Variants in SPOCK2 observed in about 807,000 individuals in gnomAD.
SPOCK2 encodes the protein testican-2.
Under a neutral mutation model 60.1 loss-of-function variants are expected in SPOCK2, and 39 were observed. The ratio of observed to expected loss-of-function variants is 0.65; its 90% confidence interval spans 0.50 to 0.85. SPOCK2 has a LOEUF of 0.85. Ranked by LOEUF, SPOCK2 falls within the 40% of genes least tolerant of loss-of-function variation. SPOCK2 has a pLI of 0.00. For synonymous variants in SPOCK2, 217 were observed against 231.5 expected, an observed-to-expected ratio of 0.94 and a Z score of 0.57; for missense variants, 523 against 567.4, an observed-to-expected ratio of 0.92 and a Z score of 0.80.
chr10:72,063,161 G>T lies in SPOCK2; in HGVS notation c.993C>A (p.Gly331=), dbSNP rs368698529. 12 of 1,556,294 alleles carry T rather than the reference G, an allele frequency of 7.7e-6. No homozygotes were observed. In the African/African-American group the frequency reaches 1.6e-4, roughly 21 times the overall value. The part of the protein sequence containing the change: ...QIQEAAKKKP[G]IFIPSCDEDG... ...CCTCGTCGCAGCTCGGGATGAAGAT[G>T]CCTGAATGAGACAGTGCCAGGCAGG... Residue 331 remains glycine (G), a splice_region_variant and synonymous_variant, in exon 10 of 11, where the codon GGC becomes GGA. Coordinates refer to ENST00000373109, the MANE Select transcript of SPOCK2 (RefSeq NM_001244950.2).
At chr10:72,070,785 A>T (rs1272818424) in intron 4 of SPOCK2, among the ~76,000 whole-genome samples, 1 of 152,132 alleles carries the variant, frequency 6.6e-6, no homozygotes, top group Admixed American at 6.5e-5. Context: ...CCTCTGGGCC[A>T]TACTTGGCCA....
At chr10:72,085,969 G>A (rs796318208) in intron 1 of SPOCK2, among the ~76,000 whole-genome samples, 1 of 152,170 alleles carries the variant, frequency 6.6e-6, no homozygotes. Context: ...CACCCCTAGA[G>A]TTATGCAATG....
At chr10:72,067,754 T>C (rs749823557) in intron 6 of SPOCK2, 22 bp from the exon 7 acceptor site, 1 of 1,609,974 alleles carries the variant, frequency 6.2e-7, no homozygotes, top group Non-Finnish European at 8.5e-7. Flanking sequence ...AGAGAAGGCA[T>C]GGAGGGCGAA....
chr10:72,074,352 G>A (rs1270246276), intron 1 of SPOCK2, among the ~76,000 whole-genome samples: 1 of 152,130 alleles, frequency 6.6e-6, no homozygotes, highest in Non-Finnish European at 1.5e-5. Flanking sequence ...AAGATGCGGT[G>A]TGCACAGGCA....
At chr10:72,072,399 G>A (rs771959887) in intron 3 of SPOCK2, 104 bp downstream of exon 3, 69 of 1,553,978 alleles carry the variant, frequency 4.4e-5, no homozygotes, top group Non-Finnish European at 5.9e-5. Context: ...TCCCCACCGG[G>A]GCCTGGCTGC....
intron 8 of SPOCK2, among the ~76,000 whole-genome samples, chr10:72,065,834 A>C (rs1224889135): frequency 6.6e-6 from 1 of 152,266 alleles, no homozygotes; most frequent in East Asian, 1.9e-4. Context: ...TGCTCTGCAC[A>C]GATTTTCTTG....
Position 72,080,856 on chromosome 10 carries a change from C to A in SPOCK2, c.189+7284G>T, listed in dbSNP as rs140286043. On this transcript the variant is annotated intron_variant, in intron 1 of 10. Transcript: ENST00000373109. ...TCAGGTATGCCTGCGCCAACACCCA[C>A]CTGCTGCCCGGGCCCTGACCTCCCT... is the stretch of plus-strand genomic sequence containing the variant. 8.6e-4 allele frequency among the ~76,000 whole-genome samples: 131 copies of A among 152,214 alleles called. 3 individuals carry two copies. In the East Asian group the frequency reaches 0.02, roughly 24 times the overall value.
chr10:72,080,262 C>A (rs1840765424), intron 1 of SPOCK2, among the ~76,000 whole-genome samples: 1 of 152,242 alleles, frequency 6.6e-6, no homozygotes, highest in Non-Finnish European at 1.5e-5. Flanking sequence ...TACGGCATTT[C>A]TTCATTTTTT....
chr10:72,062,469 G>C lies in SPOCK2; in HGVS notation c.*291C>G. The C allele has an allele frequency of 2.2e-6, 1 of 452,816 alleles. No individual in the cohort carries two copies. The highest frequency in any genetic ancestry group is 3.8e-6 in the Non-Finnish European group (1 of 261,798). The allele number at this position is 452,816 out of a possible 1,614,324, so 28.0% of individuals were successfully genotyped here. A position where few individuals can be genotyped will look rare whatever the true frequency, so the allele number is the denominator to read the frequency against. On this transcript the variant is annotated 3_prime_UTR_variant, in exon 11 of 11. Transcript: ENST00000373109. The surrounding 1 kb of genome is among the most constrained non-coding windows in gnomAD (Gnocchi z 4.3). ...GAAAGAAAACAGCTACAAGGAGGCCGAAGGGGCCTTTGGGTGACTCACTCT... is the reference window on the plus strand; with the variant it reads ...GAAAGAAAACAGCTACAAGGAGGCCCAAGGGGCCTTTGGGTGACTCACTCT...
intron 1 of SPOCK2, among the ~76,000 whole-genome samples, chr10:72,074,834 C>A (rs1049902244): frequency 3.3e-5 from 5 of 152,208 alleles, no homozygotes; most frequent in Non-Finnish European, 5.9e-5. Context: ...GTCCCTCTCT[C>A]CTCTGTCTCT....
At chr10:72,065,697 A>G (rs1327896181) in intron 8 of SPOCK2, among the ~76,000 whole-genome samples, 1 of 152,232 alleles carries the variant, frequency 6.6e-6, no homozygotes, top group Non-Finnish European at 1.5e-5. Flanking sequence ...GAATGGATGG[A>G]GTGGCCTTCA....
Position 72,070,312 on chromosome 10 carries a change from C to T in SPOCK2, c.474G>A (p.Val158=). The T allele has an allele frequency of 6.2e-7, 1 of 1,614,126 alleles. No individual in the cohort carries two copies. The highest frequency in any genetic ancestry group is 8.5e-7 in the Non-Finnish European group (1 of 1,180,000). The change falls in exon 5 of 11, where the codon GTG becomes GTA. Residue 158 remains valine, a splice_region_variant and synonymous_variant. Coordinates refer to ENST00000373109, the MANE Select transcript of SPOCK2 (RefSeq NM_001244950.2). ...CGSDGHTYSS[V]CKLEQQACLS... Reference sequence around the variant, plus strand: ...CCTACCTGGGGCCTGGGCTCCTCACCACAGAGCTGTAAGTGTGGCCATCTG... The same window carrying T: ...CCTACCTGGGGCCTGGGCTCCTCACTACAGAGCTGTAAGTGTGGCCATCTG...
At chr10:72,072,395 C>G (rs967424595) in intron 3 of SPOCK2, 108 bp downstream of exon 3, 6 of 1,545,574 alleles carry the variant, frequency 3.9e-6, no homozygotes, top group Non-Finnish European at 5.3e-6. Flanking sequence ...CCCATCCCCA[C>G]CGGGGCCTGG....
chr10:72,062,600 C>G lies in SPOCK2; in HGVS notation c.*160G>C, dbSNP rs1840506215. On this transcript the variant is annotated 3_prime_UTR_variant, in exon 11 of 11. Transcript: ENST00000373109. The surrounding 1 kb of genome is among the most constrained non-coding windows in gnomAD (Gnocchi z 4.3). The stretch of plus-strand genomic sequence containing the variant: ...GCACTCACACTGTCACCCGTCCCAG[C>G]CATCTGTGCCACACACATGCCATGC... 1.5e-6 allele frequency: 2 copies of G among 1,361,624 alleles called. No homozygotes were observed. The highest frequency in any genetic ancestry group is 2.0e-6 in the Non-Finnish European group (2 of 1,008,660). 84.3% of individuals were successfully genotyped at this position (1,361,624 alleles called of 1,614,324 possible).
intron 1 of SPOCK2, chr10:72,086,710 CG>C (rs1269771665): frequency 3.7e-6 from 5 of 1,363,080 alleles, no homozygotes; most frequent in Non-Finnish European, 4.8e-6. Flanking sequence ...CAGCCCATCG[CG>C]GGGCCCGGCC....
chr10:72,086,229 A>C (rs1840853260), intron 1 of SPOCK2: 1 of 986,308 alleles, frequency 1.0e-6, no homozygotes, highest in African/African-American at 1.7e-5. Flanking sequence ...AAGACTTTCA[A>C]ATCTAGTGCC....
chr10:72,079,493 A>C (rs1840755687), intron 1 of SPOCK2, among the ~76,000 whole-genome samples: 2 of 152,188 alleles, frequency 1.3e-5, no homozygotes, highest in African/African-American at 4.8e-5. Context: ...TGATCTCTGC[A>C]GCTCAGCTCA....
intron 1 of SPOCK2, among the ~76,000 whole-genome samples, chr10:72,082,201 C>A (rs1469266266): frequency 6.6e-6 from 1 of 152,208 alleles, no homozygotes; most frequent in Admixed American, 6.5e-5. Context: ...AAGGAAGGAG[C>A]CACACCTGCA....
chr10:72,083,131 C>T (rs915066552), intron 1 of SPOCK2, among the ~76,000 whole-genome samples: 1 of 152,158 alleles, frequency 6.6e-6, no homozygotes, highest in African/African-American at 2.4e-5. Flanking sequence ...GCCATTAGGC[C>T]CCATTTCTCA....
Sources: gnomAD v4.1 joint callset for allele counts (sites outside exome capture counted in the v4.1 genomes callset) on GRCh38, gnomAD v4.1.1 for gene constraint, Gnocchi (gnomAD v3.1) non-coding constraint, MANE v1.5 for transcripts, NCBI Gene and HGNC (gene_info 2026-07-23, HGNC 2026-07-21) for gene names.